Variants in CACNG2 observed in about 807,000 individuals in gnomAD.
CACNG2 encodes the protein calcium voltage-gated channel auxiliary subunit gamma 2, also known as voltage-dependent calcium channel gamma-2 subunit.
A neutral mutation model predicts 25.9 loss-of-function variants in CACNG2; 3 were observed. The observed-to-expected ratio is 0.12, with a 90% CI of 0.05 to 0.30. CACNG2 has a LOEUF of 0.30. CACNG2 is among the 10% of genes least tolerant of loss of function. The pLI, the probability that CACNG2 is intolerant of heterozygous loss-of-function variation, is 1.00. For synonymous variants in CACNG2, 167 were observed against 173.3 expected (o/e 0.96, Z 0.29); for missense variants, 341 against 432.5 (o/e 0.79, Z 1.88).
chr22:36,619,154 T>A (rs1355241096), intron 1 of CACNG2, among the ~76,000 whole-genome samples: 2 of 152,112 alleles, frequency 1.3e-5, no homozygotes, highest in African/African-American at 2.4e-5. Flanking sequence ...ATCGCAGTGT[T>A]TCTATGTGGC....
In CACNG2 at chr22:36,563,497, TTCC is replaced by T. The variant is rs1406240158; in HGVS notation, c.*851_*853del. ...CCGGCAGCCTCCCCTCTCCTTCCCTTTCCTCAAGGCCTAGGAAGTCATCACAGT... is the reference window on the plus strand; with the variant it reads ...CCGGCAGCCTCCCCTCTCCTTCCCTTTCAAGGCCTAGGAAGTCATCACAGT... On this transcript the variant is annotated 3_prime_UTR_variant, in exon 4 of 4. Transcript: ENST00000300105. Among the ~76,000 whole-genome samples the T allele has an allele frequency of 1.3e-5, 2 of 152,150 alleles. No individual in the cohort carries two copies. Among genetic ancestry groups the T allele is most frequent in the Admixed American group, 6.5e-5 (1 of 15,284 alleles).
intron 1 of CACNG2, among the ~76,000 whole-genome samples, chr22:36,662,202 G>A (rs1228808380): frequency 2.0e-5 from 3 of 151,568 alleles, no homozygotes; most frequent in East Asian, 1.9e-4. Flanking sequence ...GGCTGGTCTC[G>A]AACTCCTGAC....
In CACNG2 at chr22:36,669,806, G is replaced by A. The variant is rs535969395; in HGVS notation, c.211+32560C>T. Among the ~76,000 whole-genome samples, 17 of 152,080 alleles carry A rather than the reference G, an allele frequency of 1.1e-4. No individual in the cohort carries two copies. The South Asian group carries it at 2.5e-3, about 22-fold the overall frequency. On this transcript the variant is annotated intron_variant, in intron 1 of 3. Transcript: ENST00000300105. ...CAGCTCACTGCAACCTCCGCCTCCC[G>A]GGTTCAAGCAATTCTCCTGTCTCAG... is the stretch of plus-strand genomic sequence containing the variant.
intron 1 of CACNG2, among the ~76,000 whole-genome samples, chr22:36,697,808 A>G (rs1355796549): frequency 1.3e-5 from 2 of 152,222 alleles, no homozygotes; most frequent in East Asian, 3.8e-4. Context: ...GGCCATTCTA[A>G]GGCCTGCTCT....
intron 1 of CACNG2, among the ~76,000 whole-genome samples, chr22:36,670,490 G>A (rs1053179708): frequency 6.6e-6 from 1 of 152,110 alleles, no homozygotes; most frequent in African/African-American, 2.4e-5. Flanking sequence ...TATCATGATA[G>A]CCAAAAAAAT....
At chr22:36,695,500 C>A in intron 1 of CACNG2, among the ~76,000 whole-genome samples, 1 of 149,206 alleles carries the variant, frequency 6.7e-6, no homozygotes, top group Non-Finnish European at 1.5e-5. Context: ...CCACCCCCAC[C>A]CCTCTCAGTT....
At chr22:36,630,653 G>A (rs939753191) in intron 1 of CACNG2, among the ~76,000 whole-genome samples, 7 of 152,124 alleles carry the variant, frequency 4.6e-5, no homozygotes, top group African/African-American at 1.2e-4. Flanking sequence ...TTTACAAAGC[G>A]AAGCAACACT....
chr22:36,654,826 T>C (rs1936679242), intron 1 of CACNG2, among the ~76,000 whole-genome samples: 1 of 152,220 alleles, frequency 6.6e-6, no homozygotes, highest in African/African-American at 2.4e-5. Context: ...AAACAAGTTC[T>C]CAGCTCCTTT....
At chr22:36,648,227 A>C (rs1489846562) in intron 1 of CACNG2, among the ~76,000 whole-genome samples, 1 of 152,220 alleles carries the variant, frequency 6.6e-6, no homozygotes, top group East Asian at 1.9e-4. Context: ...TCTTTATAAA[A>C]TGATTCCATC....
At chr22:36,582,511 T>C (rs1935435945) in intron 2 of CACNG2, among the ~76,000 whole-genome samples, 1 of 151,942 alleles carries the variant, frequency 6.6e-6, no homozygotes, top group Admixed American at 6.6e-5. Flanking sequence ...GTTCAAATGA[T>C]TTTCCTGCCT....
chr22:36,652,124 C>T (rs1425107954), intron 1 of CACNG2, among the ~76,000 whole-genome samples: 1 of 152,190 alleles, frequency 6.6e-6, no homozygotes, highest in African/African-American at 2.4e-5. Context: ...CCTCGGCCTC[C>T]TAAAGTGCTG....
chr22:36,675,283 G>A (rs555664906), intron 1 of CACNG2, among the ~76,000 whole-genome samples: 6 of 151,806 alleles, frequency 4.0e-5, no homozygotes, highest in South Asian at 2.1e-4. Context: ...GGACACAAGC[G>A]ATCTTCCCGC....
intron 1 of CACNG2, among the ~76,000 whole-genome samples, chr22:36,654,675 A>G (rs1008748673): frequency 6.6e-6 from 1 of 152,208 alleles, no homozygotes; most frequent in African/African-American, 2.4e-5. Flanking sequence ...TATTGAGAAG[A>G]GGTGTTTTAA....
At chr22:36,586,185 G>A (rs1440425343) in intron 2 of CACNG2, among the ~76,000 whole-genome samples, 2 of 152,186 alleles carry the variant, frequency 1.3e-5, no homozygotes, top group African/African-American at 4.8e-5. Context: ...TTGGGGGCAG[G>A]CCCCATCCAT....
chr22:36,571,415 C>T (rs1935221345), intron 2 of CACNG2, among the ~76,000 whole-genome samples: 1 of 151,816 alleles, frequency 6.6e-6, no homozygotes, highest in Non-Finnish European at 1.5e-5. Flanking sequence ...TGAGATTTCG[C>T]CACTGCACTC....
At chr22:36,617,202 A>G (rs1936035106) in intron 1 of CACNG2, among the ~76,000 whole-genome samples, 1 of 152,222 alleles carries the variant, frequency 6.6e-6, no homozygotes, top group Non-Finnish European at 1.5e-5. Flanking sequence ...GAGCACAGAC[A>G]TATTTAATAT....
At chr22:36,608,183 G>A (rs1311543017) in intron 1 of CACNG2, among the ~76,000 whole-genome samples, 3 of 152,292 alleles carry the variant, frequency 2.0e-5, no homozygotes, top group East Asian at 3.9e-4. Context: ...ATGCTGAAGA[G>A]AGAATTTCTA....
intron 1 of CACNG2, among the ~76,000 whole-genome samples, chr22:36,646,279 T>C (rs1311405147): frequency 1.3e-5 from 2 of 152,178 alleles, no homozygotes; most frequent in Non-Finnish European, 2.9e-5. Flanking sequence ...TTCTCTTTCC[T>C]AACTCAAGTT....
At chr22:36,700,604 T>G (rs1446073138) in intron 1 of CACNG2, among the ~76,000 whole-genome samples, 2 of 152,232 alleles carry the variant, frequency 1.3e-5, no homozygotes, top group African/African-American at 4.8e-5. Context: ...TCTTTCGGAA[T>G]AAAAGTCTGT....
Sources: gnomAD v4.1 joint callset for allele counts (sites outside exome capture counted in the v4.1 genomes callset) on GRCh38, gnomAD v4.1.1 for gene constraint, MANE v1.5 for transcripts, NCBI Gene and HGNC (gene_info 2026-07-23, HGNC 2026-07-21) for gene names.